The following TCF12 variants were observed in gnomAD, a reference collection of about 807,000 sequenced individuals.
TCF12 encodes DNA-binding protein HTF4.
A neutral mutation model predicts 86.0 loss-of-function variants in TCF12; 45 were observed. That is an observed-to-expected ratio of 0.52 (90% CI 0.41 to 0.67). The LOEUF (loss-of-function observed/expected upper bound fraction) is 0.67, where lower values mean the gene tolerates loss of function less well. TCF12 is among the 30% of genes least tolerant of loss of function. The pLI, the probability that TCF12 is intolerant of heterozygous loss-of-function variation, is 0.00. For missense variants in TCF12, 881 were observed against 859.9 expected, an observed-to-expected ratio of 1.02 and a Z score of -0.31; for synonymous variants, 330 against 299.6, an observed-to-expected ratio of 1.10 and a Z score of -1.05.
intron 16 of TCF12, among the ~76,000 whole-genome samples, chr15:57,254,228 A>G (rs1284224078): frequency 2.0e-5 from 3 of 152,210 alleles, no homozygotes; most frequent in Non-Finnish European, 4.4e-5. Context: ...ATTTTTAGCT[A>G]TAAGCCATGT....
At chr15:57,160,720 T>C (rs539822713) in intron 5 of TCF12, among the ~76,000 whole-genome samples, 1 of 151,930 alleles carries the variant, frequency 6.6e-6, no homozygotes, top group East Asian at 1.9e-4. Flanking sequence ...TGAGGCAGGG[T>C]CTCACTCTGT....
At chr15:57,075,774 CTTTCTTTCTTTCTT>C (rs1745556102) in intron 4 of TCF12, among the ~76,000 whole-genome samples, 1 of 49,688 alleles carries the variant, frequency 2.0e-5, no homozygotes, top group African/African-American at 7.3e-5. Context: ...TTCTTTCTTT[CTTTCTTTCTTTCTT>C]TCTTTCTTTC....
chr15:56,958,674 A>AGTGTGT (rs1405638725), intron 3 of TCF12, among the ~76,000 whole-genome samples: 70 of 64,576 alleles, frequency 1.1e-3, no homozygotes, highest in African/African-American at 2.9e-3. Flanking sequence ...AGAGAGAGAG[A>AGTGTGT]GAGAGTGTGT....
chr15:57,034,915 C>A (rs1338645314), intron 3 of TCF12, among the ~76,000 whole-genome samples: 2 of 152,124 alleles, frequency 1.3e-5, no homozygotes, highest in African/African-American at 4.8e-5. Flanking sequence ...ATTCTGTTTG[C>A]TGTGATTCTC....
chr15:57,185,764 C>A (rs1409619341), intron 6 of TCF12, among the ~76,000 whole-genome samples: 2 of 152,090 alleles, frequency 1.3e-5, no homozygotes, highest in African/African-American at 4.8e-5. Flanking sequence ...CACATCTAGT[C>A]CCAGCCACTC....
At chr15:57,147,822 TATA>T (rs1399820459) in intron 5 of TCF12, among the ~76,000 whole-genome samples, 1 of 151,816 alleles carries the variant, frequency 6.6e-6, no homozygotes, top group Non-Finnish European at 1.5e-5. Flanking sequence ...AATTGTGAGT[TATA>T]ATGGTTTTAC....
chr15:56,996,096 T>C (rs543666648), intron 3 of TCF12, among the ~76,000 whole-genome samples: 13 of 152,348 alleles, frequency 8.5e-5, no homozygotes, highest in African/African-American at 3.1e-4. Flanking sequence ...TTTATTGATT[T>C]GTGTATGTTG....
intron 6 of TCF12, among the ~76,000 whole-genome samples, chr15:57,172,705 T>A (rs537931185): frequency 6.6e-6 from 1 of 152,064 alleles, no homozygotes; most frequent in African/African-American, 2.4e-5. Context: ...GGTGATGAAA[T>A]AACGTGTACA....
intron 5 of TCF12, among the ~76,000 whole-genome samples, chr15:57,122,604 T>A (rs2051319345): frequency 6.6e-6 from 1 of 152,226 alleles, no homozygotes; most frequent in Non-Finnish European, 1.5e-5. Flanking sequence ...CCAAAGTACA[T>A]GTTCTTAAAA....
At chr15:57,247,193 C>T in intron 13 of TCF12, 1 of 604,246 alleles carries the variant, frequency 1.7e-6, no homozygotes, top group Non-Finnish European at 3.1e-6. Flanking sequence ...ACCATCATAG[C>T]CCCCTCTACT....
chr15:57,196,652 A>G (rs1315733640), intron 7 of TCF12, among the ~76,000 whole-genome samples: 1 of 152,218 alleles, frequency 6.6e-6, no homozygotes, highest in Admixed American at 6.5e-5. Flanking sequence ...TTTTACATAT[A>G]AGTAAAATTA....
At chr15:57,184,001 C>T (rs1224089077) in intron 6 of TCF12, among the ~76,000 whole-genome samples, 2 of 152,146 alleles carry the variant, frequency 1.3e-5, no homozygotes, top group Non-Finnish European at 2.9e-5. Flanking sequence ...ATTATGACTA[C>T]TATTTGATTT....
chr15:56,949,426 T>G (rs1393387602), intron 3 of TCF12, among the ~76,000 whole-genome samples: 1 of 152,224 alleles, frequency 6.6e-6, no homozygotes, highest in Non-Finnish European at 1.5e-5. Context: ...ATTATAGATG[T>G]AAAACTCAGT....
chr15:57,150,697 G>A (rs1477550467), intron 5 of TCF12, among the ~76,000 whole-genome samples: 1 of 152,120 alleles, frequency 6.6e-6, no homozygotes, highest in Middle Eastern at 3.2e-3. Context: ...CAGGAAATTA[G>A]AGAGATGATG....
At chr15:56,982,537 GT>G (rs2062946009) in intron 3 of TCF12, among the ~76,000 whole-genome samples, 1 of 152,142 alleles carries the variant, frequency 6.6e-6, no homozygotes, top group Non-Finnish European at 1.5e-5. Context: ...ACCCAAGTCA[GT>G]TTTCAGACAA....
At chr15:57,229,289 T>C (rs1304955517) in intron 8 of TCF12, among the ~76,000 whole-genome samples, 3 of 152,046 alleles carry the variant, frequency 2.0e-5, no homozygotes, top group African/African-American at 7.2e-5. Flanking sequence ...AGTTATTTTA[T>C]TTCAACACAA....
chr15:57,121,494 A>G (rs1432205583), intron 5 of TCF12, among the ~76,000 whole-genome samples: 8 of 152,224 alleles, frequency 5.3e-5, no homozygotes, highest in Admixed American at 2.0e-4. Flanking sequence ...TCACTATCAT[A>G]AATAGGATTA....
At chr15:56,939,095 T>C (rs746681280) in intron 3 of TCF12, among the ~76,000 whole-genome samples, 32 of 152,214 alleles carry the variant, frequency 2.1e-4, no homozygotes, top group Admixed American at 1.0e-3. Context: ...CCTGCAATAC[T>C]GTTTGCCATT....
At chr15:57,017,722 CTTTCT>C (rs1437316205) in intron 3 of TCF12, among the ~76,000 whole-genome samples, 194 of 101,128 alleles carry the variant, frequency 1.9e-3, no homozygotes, top group Non-Finnish European at 3.9e-3. Flanking sequence ...GTCTAATTTT[CTTTCT>C]TTTTTTTTTT....
Sources: allele counts gnomAD v4.1 joint callset (sites outside exome capture counted in the v4.1 genomes callset), GRCh38; gene constraint gnomAD v4.1.1; transcripts MANE v1.5; gene names NCBI Gene and HGNC (gene_info 2026-07-23, HGNC 2026-07-21).